Variants in BAHCC1 observed in about 807,000 individuals in gnomAD.
BAHCC1 encodes BAH and coiled-coil domain-containing protein 1.
A neutral mutation model predicts 88.2 loss-of-function variants in BAHCC1; 43 were observed. That is an observed-to-expected ratio of 0.49 (90% CI 0.38 to 0.63). BAHCC1 has a LOEUF of 0.63. Ranked by LOEUF, BAHCC1 falls within the 20% of genes least tolerant of loss-of-function variation. The pLI, the probability that BAHCC1 is intolerant of heterozygous loss-of-function variation, is 0.00. For synonymous variants in BAHCC1, 1,510 were observed against 745.5 expected (o/e 2.03, Z -16.71); for missense variants, 3,023 against 1,654.8 (o/e 1.83, Z -14.34).
chr17:81,455,115 CG>C (rs2064722442), intron 14 of BAHCC1, among the ~76,000 whole-genome samples, 151 bp from the exon 15 acceptor site: 3 of 152,186 alleles, frequency 2.0e-5, no homozygotes, highest in African/African-American at 7.2e-5. Flanking sequence ...GCTCGGCCCC[CG>C]GGGCCCCTCA....
chr17:81,403,804 G>C (rs1389531176), intron 2 of BAHCC1, among the ~76,000 whole-genome samples: 7 of 152,168 alleles, frequency 4.6e-5, no homozygotes, highest in South Asian at 2.1e-4. Context: ...AAGGAGCTAC[G>C]GGAATCCGGG....
At chr17:81,453,488 AAATT>A (rs1187176970) in intron 14 of BAHCC1, among the ~76,000 whole-genome samples, 7 of 152,366 alleles carry the variant, frequency 4.6e-5, no homozygotes, top group East Asian at 3.9e-4. Flanking sequence ...GACAGGCAAA[AAATT>A]AATCTCAGGG....
At chr17:81,409,489 G>T (rs1240075607) in intron 2 of BAHCC1, among the ~76,000 whole-genome samples, 2 of 152,212 alleles carry the variant, frequency 1.3e-5, no homozygotes, top group African/African-American at 2.4e-5. Flanking sequence ...TCAGGGTGGG[G>T]GCCAGTTCCT....
At chr17:81,423,365 C>T (rs575625139) in intron 2 of BAHCC1, among the ~76,000 whole-genome samples, 2 of 152,320 alleles carry the variant, frequency 1.3e-5, no homozygotes, top group African/African-American at 4.8e-5. Context: ...CCCCTTGCCC[C>T]ACCGCCTCTG....
rs376991156 is a variant in BAHCC1, at chr17:81,456,299, G to C, written c.4572G>C (p.Glu1524Asp). The change falls in exon 16 of 28, where the codon GAG becomes GAC. Residue 1524 changes from glutamate to aspartate, a missense_variant and splice_region_variant. Physicochemically the swap from Glu to Asp is conservative, Grantham distance 45. Coordinates refer to ENST00000675386, the MANE Select transcript of BAHCC1 (RefSeq NM_001377448.1). ...CAGCTGCCCCTCCCTGTTCACAGGAGAAGGCGCAGTGTAAGAAGAGCAGCT... is the reference window on the plus strand; with the variant it reads ...CAGCTGCCCCTCCCTGTTCACAGGACAAGGCGCAGTGTAAGAAGAGCAGCT... ...VYAGLQTASV[E>D]KAQCKKSSCQ... The C allele has an allele frequency of 2.8e-6, 2 of 715,654 alleles. No homozygotes were observed. The highest frequency in any genetic ancestry group is 2.7e-5 in the East Asian group (1 of 37,360). 44.3% of individuals were successfully genotyped at this position (715,654 alleles called of 1,614,324 possible). A position where few individuals can be genotyped will look rare whatever the true frequency, so the allele number is the denominator to read the frequency against.
At chr17:81,430,889 T>G (rs1223478054) in intron 3 of BAHCC1, among the ~76,000 whole-genome samples, 1 of 152,062 alleles carries the variant, frequency 6.6e-6, no homozygotes, top group African/African-American at 2.4e-5. Flanking sequence ...GCCCTTGCCC[T>G]GCCTAGACCT....
chr17:81,448,359 T>TA (rs1555655110), intron 11 of BAHCC1, among the ~76,000 whole-genome samples: 7 of 152,122 alleles, frequency 4.6e-5, no homozygotes, highest in African/African-American at 1.7e-4. Context: ...CCTGGGCTCT[T>TA]CCGCCCACCC....
chr17:81,408,667 C>G (rs900663520), intron 2 of BAHCC1, among the ~76,000 whole-genome samples: 26 of 152,222 alleles, frequency 1.7e-4, no homozygotes, highest in Admixed American at 4.6e-4. Context: ...ACCAGCTGAG[C>G]TGTTCTTGGC....
chr17:81,455,466 C>CT, intron 15 of BAHCC1, 76 bp downstream of exon 15: 3 of 675,076 alleles, frequency 4.4e-6, no homozygotes, highest in Non-Finnish European at 8.2e-6. Flanking sequence ...GTAGCAGACT[C>CT]TCCCCAGCCC....
intron 2 of BAHCC1, among the ~76,000 whole-genome samples, chr17:81,406,718 G>A (rs1003138062): frequency 1.3e-5 from 2 of 152,254 alleles, no homozygotes. Context: ...GCTGCCGCGG[G>A]AGAATCCAGG....
chr17:81,418,998 G>C (rs1656076860), intron 2 of BAHCC1, among the ~76,000 whole-genome samples: 1 of 152,052 alleles, frequency 6.6e-6, no homozygotes, highest in African/African-American at 2.4e-5. Flanking sequence ...GTGTGTGCAA[G>C]TGTGAGGTGC....
At position 81,447,413 on chromosome 17, in the gene BAHCC1, G is replaced by C. The variant is rs782052449; in HGVS notation, c.3541G>C (p.Ala1181Pro). The change falls in exon 11 of 28, where the codon GCA (alanine) becomes CCA (proline). Residue 1181 changes from alanine (A) to proline (P), a missense_variant. Transcript: ENST00000675386. ...CCAGGCTCATTCTACTCAGGGAGGGGCACGAGAAGAGAGGAGCAGGGAGGA... is the reference window on the plus strand; with the variant it reads ...CCAGGCTCATTCTACTCAGGGAGGGCCACGAGAAGAGAGGAGCAGGGAGGA... ...TGQAHSTQGGAREERSREEGE... is the reference protein window; with the variant it reads ...TGQAHSTQGGPREERSREEGE... 5 of 744,258 alleles carry C rather than the reference G, an allele frequency of 6.7e-6. No individual in the cohort carries two copies. In the African/African-American group the frequency reaches 8.5e-5, roughly 13 times the overall value. The allele number at this position is 744,258 out of a possible 1,614,324, so 46.1% of individuals were successfully genotyped here. A position where few individuals can be genotyped will look rare whatever the true frequency, so the allele number is the denominator to read the frequency against.
intron 2 of BAHCC1, among the ~76,000 whole-genome samples, chr17:81,420,356 G>A (rs146482346): frequency 2.2e-4 from 33 of 152,318 alleles, no homozygotes; most frequent in African/African-American, 4.1e-4. Context: ...CCCCTGGGCC[G>A]GGGCCAGGCT....
At chr17:81,430,766 C>T (rs2064251089) in intron 3 of BAHCC1, among the ~76,000 whole-genome samples, 1 of 152,292 alleles carries the variant, frequency 6.6e-6, no homozygotes, top group African/African-American at 2.4e-5. Flanking sequence ...GCTCCTCCTT[C>T]CTCTCCCGGC....
At chr17:81,430,631 G>A (rs1324816966) in intron 3 of BAHCC1, among the ~76,000 whole-genome samples, 2 of 152,180 alleles carry the variant, frequency 1.3e-5, no homozygotes, top group African/African-American at 2.4e-5. Context: ...GACCACATCT[G>A]TTTAAGGGAC....
intron 2 of BAHCC1, among the ~76,000 whole-genome samples, chr17:81,417,015 G>A (rs1429795689): frequency 6.6e-6 from 1 of 152,186 alleles, no homozygotes; most frequent in Non-Finnish European, 1.5e-5. Flanking sequence ...AGCTAGACTG[G>A]ACATGTCCAG....
chr17:81,447,234 C>A lies in BAHCC1; in HGVS notation c.3362C>A (p.Ser1121Ter). Residue 1121 changes from serine to a stop codon, truncating the protein, a stop_gained, in exon 11 of 28, where the codon TCA becomes TAA. Transcript: ENST00000675386. LOFTEE classifies it high-confidence loss of function. ...AGCCTGGAGGAGCCCGGGCTGCTCTCAGGGGCCAGGGAGGCCACCCAGGAC... is the reference window on the plus strand; with the variant it reads ...AGCCTGGAGGAGCCCGGGCTGCTCTAAGGGGCCAGGGAGGCCACCCAGGAC... ...PRSLEEPGLL[S>*]GAREATQDLA... 2 of 724,878 alleles carry A rather than the reference C, an allele frequency of 2.8e-6. No homozygotes were observed. Among genetic ancestry groups the A allele is most frequent in the East Asian group, 2.5e-5 (1 of 40,492 alleles). The allele number at this position is 724,878 out of a possible 1,614,324, so 44.9% of individuals were successfully genotyped here. A position where few individuals can be genotyped will look rare whatever the true frequency, so the allele number is the denominator to read the frequency against.
At chr17:81,419,528 C>T (rs775983775) in intron 2 of BAHCC1, among the ~76,000 whole-genome samples, 7 of 152,244 alleles carry the variant, frequency 4.6e-5, no homozygotes, top group Non-Finnish European at 8.8e-5. Flanking sequence ...TTCCCAGCCA[C>T]TCCTGGTGTC....
At chr17:81,456,627 C>A in intron 16 of BAHCC1, 42 bp downstream of exon 16, 1 of 673,504 alleles carries the variant, frequency 1.5e-6, no homozygotes, top group South Asian at 1.6e-5. Context: ...GAGCCCCGGT[C>A]ATGGTCGCTC....
Sources: allele counts gnomAD v4.1 joint callset (sites outside exome capture counted in the v4.1 genomes callset), GRCh38; gene constraint gnomAD v4.1.1; transcripts MANE v1.5; gene names NCBI Gene and HGNC (gene_info 2026-07-23, HGNC 2026-07-21).